The following PIK3C2G variants were observed in gnomAD, a reference collection of about 807,000 sequenced individuals.
PIK3C2G encodes the protein phosphatidylinositol-4-phosphate 3-kinase catalytic subunit type 2 gamma, also known as phosphatidylinositol 3-kinase C2 domain-containing subunit gamma.
Under a neutral mutation model 181.1 loss-of-function variants are expected in PIK3C2G, and 168 were observed. The observed-to-expected ratio is 0.93, with a 90% confidence interval of 0.82 to 1.05. PIK3C2G has a LOEUF of 1.05. Ranked by LOEUF, PIK3C2G falls within the 50% of genes least tolerant of loss-of-function variation. The pLI is 0.00. For missense variants in PIK3C2G, 1,869 were observed against 1,732.8 expected (o/e 1.08, Z -1.40); for synonymous variants, 573 against 592.2 (o/e 0.97, Z 0.47).
At chr12:18,259,830 C>T (rs4237973), upstream of PIK3C2G, among the ~76,000 whole-genome samples, 67,919 of 151,776 alleles carry the variant, frequency 0.45, 15,581 homozygotes, top group East Asian at 0.74. Flanking sequence ...GCCTAAAAAA[C>T]GGAGTAGACT....
At chr12:18,680,418 G>A in the PIK3C2G span, among the ~76,000 whole-genome samples, 1 of 151,800 alleles carries the variant, frequency 6.6e-6, no homozygotes, top group Non-Finnish European at 1.5e-5. Context: ...ACAGCTACAG[G>A]GAAGCTTCCT....
intron 30 of PIK3C2G, among the ~76,000 whole-genome samples, chr12:18,599,502 G>T (rs896470857): frequency 8.3e-4 from 124 of 149,762 alleles, no homozygotes; most frequent in African/African-American, 2.9e-3. Context: ...CTGTTGTGGG[G>T]TAGGGGGAGG....
intron 21 of PIK3C2G, 67 bp from the exon 22 acceptor site, chr12:18,497,552 G>C: frequency 6.9e-6 from 9 of 1,301,984 alleles, no homozygotes; most frequent in Non-Finnish European, 9.8e-6. Flanking sequence ...GACATGTACT[G>C]TATTTGACTG....
intron 18 of PIK3C2G, among the ~76,000 whole-genome samples, chr12:18,483,221 C>T (rs1254297788): frequency 6.6e-6 from 1 of 152,186 alleles, no homozygotes; most frequent in Non-Finnish European, 1.5e-5. Context: ...ATCTCCTTCA[C>T]TGCCCTCAGC....
At chr12:18,693,175 T>C in the PIK3C2G span, 3 of 1,547,518 alleles carry the variant, frequency 1.9e-6, no homozygotes, top group South Asian at 3.3e-5. Context: ...GAACACTACA[T>C]CAGCATTCTT....
chr12:18,509,672 A>G lies in PIK3C2G; in HGVS notation c.3323+4211A>G, dbSNP rs138555396. On this transcript the variant is annotated intron_variant, in intron 24 of 32. Coordinates refer to ENST00000538779, the MANE Select transcript of PIK3C2G (RefSeq NM_001288772.2). Reference sequence around the variant, plus strand: ...AGGAATCTGGAAATTCTATTTCGACACTCAGACCAACTCTGAGGCTCCCAT... The same window carrying G: ...AGGAATCTGGAAATTCTATTTCGACGCTCAGACCAACTCTGAGGCTCCCAT... Among the ~76,000 whole-genome samples the G allele has an allele frequency of 7.6e-4, 116 of 152,318 alleles. No individual in the cohort carries two copies. In the East Asian group the frequency reaches 0.017, roughly 22 times the overall value.
chr12:18,694,832 T>A, the PIK3C2G span: 1 of 1,133,902 alleles, frequency 8.8e-7, no homozygotes, highest in South Asian at 1.5e-5. Flanking sequence ...AGCAAATCAG[T>A]GGAATTCAAA....
chr12:18,537,382 G>T (rs1943915834), intron 24 of PIK3C2G, among the ~76,000 whole-genome samples: 2 of 151,954 alleles, frequency 1.3e-5, no homozygotes, highest in African/African-American at 4.8e-5. Flanking sequence ...CTCCAACAGG[G>T]ATGTTTCCAA....
intron 24 of PIK3C2G, among the ~76,000 whole-genome samples, chr12:18,509,706 A>C (rs1261380607): frequency 6.6e-6 from 1 of 152,226 alleles, no homozygotes; most frequent in East Asian, 1.9e-4. Context: ...ATAAACTTTC[A>C]AACTTCTAAG....
chr12:18,509,086 C>T (rs1942040737), intron 24 of PIK3C2G, among the ~76,000 whole-genome samples: 1 of 152,052 alleles, frequency 6.6e-6, no homozygotes, highest in African/African-American at 2.4e-5. Flanking sequence ...GAGTCTCGCT[C>T]TGTCACCGAG....
intron 14 of PIK3C2G, among the ~76,000 whole-genome samples, chr12:18,383,249 T>C (rs1592120317): frequency 6.6e-6 from 1 of 152,210 alleles, no homozygotes; most frequent in South Asian, 2.1e-4. Flanking sequence ...CCAAACATTA[T>C]GGTAAACACT....
intron 6 of PIK3C2G, among the ~76,000 whole-genome samples, chr12:18,315,567 T>A (rs10770355): frequency 6.6e-5 from 10 of 151,954 alleles, no homozygotes; most frequent in Non-Finnish European, 1.2e-4. Flanking sequence ...CTCTTGTAAC[T>A]CTATTATTCT....
intron 24 of PIK3C2G, among the ~76,000 whole-genome samples, chr12:18,520,973 GTTTT>G (rs1471414097): frequency 6.6e-6 from 1 of 151,792 alleles, no homozygotes; most frequent in African/African-American, 2.4e-5. Context: ...CTGTTTGTTT[GTTTT>G]TTTTCTTTTA....
At chr12:18,722,874 AT>A in the PIK3C2G span, among the ~76,000 whole-genome samples, 4 of 151,868 alleles carry the variant, frequency 2.6e-5, no homozygotes, top group South Asian at 4.2e-4. Flanking sequence ...TCTTCTTAGA[AT>A]TTTTTTTCAT....
intron 18 of PIK3C2G, among the ~76,000 whole-genome samples, chr12:18,471,157 G>T (rs1938419468): frequency 6.6e-6 from 1 of 152,074 alleles, no homozygotes; most frequent in African/African-American, 2.4e-5. Flanking sequence ...CATTTTGACA[G>T]ACTTTCTGGT....
intron 16 of PIK3C2G, among the ~76,000 whole-genome samples, chr12:18,413,803 C>T (rs1383459807): frequency 1.3e-5 from 2 of 152,056 alleles, no homozygotes; most frequent in African/African-American, 4.8e-5. Context: ...AGCAGGATAA[C>T]CTGGCTTGTG....
At chr12:18,303,940 T>C (rs571161461) in intron 5 of PIK3C2G, among the ~76,000 whole-genome samples, 1 of 151,972 alleles carries the variant, frequency 6.6e-6, no homozygotes, top group Admixed American at 6.5e-5. Context: ...TGAAAACATA[T>C]TCTTAAAAAA....
chr12:18,572,052 T>G (rs992477040), intron 29 of PIK3C2G, among the ~76,000 whole-genome samples: 5 of 150,756 alleles, frequency 3.3e-5, no homozygotes, highest in African/African-American at 1.2e-4. Context: ...CTTTGACTTA[T>G]TTAAGTCTAA....
intron 15 of PIK3C2G, among the ~76,000 whole-genome samples, chr12:18,396,254 A>G (rs1417977923): frequency 6.6e-6 from 1 of 151,720 alleles, no homozygotes; most frequent in Non-Finnish European, 1.5e-5. Flanking sequence ...AAAGAATAAT[A>G]CTTTCCAGGA....
Sources: gnomAD v4.1 joint callset for allele counts (sites outside exome capture counted in the v4.1 genomes callset) on GRCh38, gnomAD v4.1.1 for gene constraint, MANE v1.5 for transcripts, NCBI Gene and HGNC (gene_info 2026-07-23, HGNC 2026-07-21) for gene names.